CUX2: variants seen among roughly 807,000 people sequenced by gnomAD.
CUX2 encodes the protein cut like homeobox 2.
In CUX2, 40 loss-of-function variants were observed where a neutral mutation model predicts 144.8. The ratio of observed to expected loss-of-function variants is 0.28; its 90% CI spans 0.21 to 0.36. The LOEUF is 0.36. Among genes scored for constraint, CUX2 ranks in the 10% least tolerant of loss-of-function variants. The pLI, the probability that CUX2 is intolerant of heterozygous loss-of-function variation, is 1.00. For missense variants in CUX2, 1,615 were observed against 1,994.0 expected, an observed-to-expected ratio of 0.81 and a Z score of 3.62; for synonymous variants, 827 against 875.6, an observed-to-expected ratio of 0.94 and a Z score of 0.98.
At chr12:111,043,720 C>G (rs551425295) in intron 1 of CUX2, among the ~76,000 whole-genome samples, 1 of 152,168 alleles carries the variant, frequency 6.6e-6, no homozygotes, top group South Asian at 2.1e-4. Context: ...GGTACCATTG[C>G]TATACCCATC....
intron 3 of CUX2, among the ~76,000 whole-genome samples, chr12:111,256,363 C>T (rs1215770369): frequency 2.0e-5 from 3 of 152,154 alleles, no homozygotes; most frequent in East Asian, 3.9e-4. Flanking sequence ...CTTCATTCCC[C>T]GATCTCTGGG....
At position 111,302,742 on chromosome 12, in the gene CUX2, A is replaced by T. The variant is rs998270557; in HGVS notation, c.754-1468A>T. Among the ~76,000 whole-genome samples, 6 of 151,884 alleles carry T rather than the reference A, an allele frequency of 4.0e-5. No homozygotes were observed. The East Asian group carries it at 1.2e-3, about 29-fold the overall frequency. ...TGGAAAAACCCCGTCTCTACTAAAG[A>T]TACAAAAAGTAGACAGACCTGGCAT... On this transcript the variant is annotated intron_variant, in intron 9 of 21. Transcript: ENST00000261726.
chr12:111,303,221 G>GAA (rs5800927), intron 9 of CUX2, among the ~76,000 whole-genome samples: 9 of 49,374 alleles, frequency 1.8e-4, no homozygotes, highest in East Asian at 7.5e-4. Context: ...ACCCTGTCTC[G>GAA]AAAAAAAAAA....
chr12:111,343,101 A>G (rs1227368543), intron 21 of CUX2, among the ~76,000 whole-genome samples: 1 of 151,966 alleles, frequency 6.6e-6, no homozygotes, highest in African/African-American at 2.4e-5. Flanking sequence ...TTGGGGGTAC[A>G]GGCCTGAGGA....
Position 111,293,085 on chromosome 12 carries a change from T to A in CUX2, c.437-361T>A, listed in dbSNP as rs1375298417. ...TTGCAGTAAGCTGAGATTGTGCCAC[T>A]GCACTCGCAGTCCAGCCTGGGCAAC... On this transcript the variant is annotated intron_variant, in intron 5 of 21. Coordinates refer to ENST00000261726, the MANE Select transcript of CUX2 (RefSeq NM_015267.4). This position sits in a 1 kb window ranked among gnomAD's most constrained non-coding sequence, Gnocchi z 4.5. Among the ~76,000 whole-genome samples the A allele has an allele frequency of 6.6e-6, 1 of 151,692 alleles. No individual in the cohort carries two copies. Among genetic ancestry groups the A allele is most frequent in the Non-Finnish European group, 1.5e-5 (1 of 67,988 alleles).
Position 111,061,178 on chromosome 12 carries a change from G to GCACA in CUX2, c.63+26973_63+26976dup, listed in dbSNP as rs10525230. Among the ~76,000 whole-genome samples, 18,498 of 143,542 alleles carry GCACA rather than the reference G, an allele frequency of 0.13. 1,231 individuals carry two copies. The highest frequency in any genetic ancestry group is 0.23 in the South Asian group (966 of 4,222). 94.2% of individuals were successfully genotyped at this position (143,542 alleles called of 152,430 possible). On this transcript the variant is annotated intron_variant, in intron 1 of 21. Transcript: ENST00000261726. This position sits in a 1 kb window ranked among gnomAD's most constrained non-coding sequence, Gnocchi z 4.2. ...TGTCCCCAGATGTGTGCATGCATAT[G>GCACA]CACACACACACACACACACACACAC...
chr12:111,310,679 C>A lies in CUX2; in HGVS notation c.1897C>A (p.Arg633=). The change falls in exon 15 of 22, where the codon CGA becomes AGA. Residue 633 remains arginine, a synonymous_variant. Transcript: ENST00000261726. This position sits in a 1 kb window ranked among gnomAD's most constrained non-coding sequence, Gnocchi z 7.9. ...LALRTIQVRQ[R]GSITPRIRTP... The stretch of plus-strand genomic sequence containing the variant: ...GCTCAGGACCATCCAAGTGCGGCAG[C>A]GAGGTGAGTGCCCAAGAGGGCCCGT... 1 of 1,582,224 alleles carries A rather than the reference C, an allele frequency of 6.3e-7. No homozygotes were observed.
intron 1 of CUX2, among the ~76,000 whole-genome samples, chr12:111,080,825 G>A (rs1177466670): frequency 1.3e-5 from 2 of 152,094 alleles, no homozygotes; most frequent in African/African-American, 2.4e-5. Context: ...TATAATATAG[G>A]CACTTCCTGG....
At position 111,304,358 on chromosome 12, in the gene CUX2, A is replaced by G. The variant is rs964750253; in HGVS notation, c.858+44A>G. On this transcript the variant is annotated intron_variant, in intron 10 of 21. Coordinates refer to ENST00000261726, the MANE Select transcript of CUX2 (RefSeq NM_015267.4). This position sits in a 1 kb window ranked among gnomAD's most constrained non-coding sequence, Gnocchi z 4.7. ...AAGTGAGCAGGGAGGGCAGAGGGAAAGATCGGGAATGGCTGAGTTTGCAGG... is the reference window on the plus strand; with the variant it reads ...AAGTGAGCAGGGAGGGCAGAGGGAAGGATCGGGAATGGCTGAGTTTGCAGG... 30 of 1,521,292 alleles carry G rather than the reference A, an allele frequency of 2.0e-5. No homozygotes were observed. Among genetic ancestry groups the G allele is most frequent in the Non-Finnish European group, 2.4e-5 (26 of 1,103,784 alleles). The allele number at this position is 1,521,292 out of a possible 1,614,324, so 94.2% of individuals were successfully genotyped here. A position where few individuals can be genotyped will look rare whatever the true frequency, so the allele number is the denominator to read the frequency against.
intron 1 of CUX2, among the ~76,000 whole-genome samples, chr12:111,127,787 C>CCTCA (rs1393390310): frequency 6.6e-6 from 1 of 152,136 alleles, no homozygotes; most frequent in Non-Finnish European, 1.5e-5. Context: ...GCTGGGGAGG[C>CCTCA]CTCACAATCA....
At position 111,310,282 on chromosome 12, in the gene CUX2, G is replaced by C. The variant is rs1314444097; in HGVS notation, c.1500G>C (p.Glu500Asp). ...LMMPPAAFKG[E>D]AGGLLVFPPA... ...TGCCCCCAGCCGCCTTCAAGGGAGA[G>C]GCGGGCGGCCTGCTGGTGTTCCCCC... The change falls in exon 15 of 22, where the codon GAG (glutamate) becomes GAC (aspartate). Residue 500 changes from glutamate (E) to aspartate (D), a missense_variant. Transcript: ENST00000261726. This position sits in a 1 kb window ranked among gnomAD's most constrained non-coding sequence, Gnocchi z 7.9. 1.3e-6 allele frequency: 2 copies of C among 1,496,048 alleles called. No individual in the cohort carries two copies. Among genetic ancestry groups the C allele is most frequent in the Admixed American group, 4.6e-5 (2 of 43,598 alleles). The allele number at this position is 1,496,048 out of a possible 1,614,324, so 92.7% of individuals were successfully genotyped here.
At chr12:111,309,132 T>C (rs1469951293) in intron 14 of CUX2, among the ~76,000 whole-genome samples, 1 of 152,176 alleles carries the variant, frequency 6.6e-6, no homozygotes, top group Non-Finnish European at 1.5e-5. Context: ...CTCAAACTCC[T>C]GACCTCAGGT....
At chr12:111,153,825 A>G (rs1276326743) in intron 1 of CUX2, among the ~76,000 whole-genome samples, 1 of 152,196 alleles carries the variant, frequency 6.6e-6, no homozygotes, top group Non-Finnish European at 1.5e-5. Context: ...ACACCTGGGT[A>G]GCTTACACAA....
intron 21 of CUX2, among the ~76,000 whole-genome samples, chr12:111,342,768 G>T (rs1054522285): frequency 5.0e-4 from 76 of 152,032 alleles, no homozygotes; most frequent in African/African-American, 1.6e-3. Context: ...AGATCAGCCT[G>T]GGAAACATAA....
intron 1 of CUX2, among the ~76,000 whole-genome samples, chr12:111,189,702 A>C (rs1879762662): frequency 6.6e-6 from 1 of 152,170 alleles, no homozygotes; most frequent in Non-Finnish European, 1.5e-5. Context: ...TGAATCACCT[A>C]GAGAACTTGT....
chr12:111,267,890 T>C (rs967311302), intron 4 of CUX2, among the ~76,000 whole-genome samples: 1 of 152,212 alleles, frequency 6.6e-6, no homozygotes, highest in African/African-American at 2.4e-5. Flanking sequence ...AGTGTGATCA[T>C]AGCTCACTGC....
chr12:111,055,006 C>T (rs1870452616), intron 1 of CUX2, among the ~76,000 whole-genome samples: 1 of 152,242 alleles, frequency 6.6e-6, no homozygotes, highest in Admixed American at 6.5e-5. Flanking sequence ...CAAGGCCACA[C>T]AGCAGAGCCA....
rs146486685 is a variant in CUX2 at position 111,218,611 on chromosome 12, G to A, written c.222+674G>A. ...TGGTTTCCTATTTTTAAAATCAGAG[G>A]TTGGTACTAGATGACCTTTGCCCTC... On this transcript the variant is annotated intron_variant, in intron 3 of 21. Transcript: ENST00000261726. Among the ~76,000 whole-genome samples, 22 of 152,152 alleles carry A rather than the reference G, an allele frequency of 1.4e-4. 1 individual carries two copies. In the East Asian group the frequency reaches 4.3e-3, roughly 29 times the overall value.
rs774901614 is a variant in CUX2, at chr12:111,320,673, C to T, written c.2664C>T (p.Tyr888=). ...TGCCGCCGCTGACCCCCGAGCAGTA[C>T]GAGCTGTACATGTACCGTGAGGTAG... ...PTVPPLTPEQ[Y]ELYMYREVDT... The change falls in exon 17 of 22, where the codon TAC becomes TAT. Residue 888 remains tyrosine, a synonymous_variant. Transcript: ENST00000261726. This position sits in a 1 kb window ranked among gnomAD's most constrained non-coding sequence, Gnocchi z 8.1. 1.4e-5 allele frequency: 22 copies of T among 1,597,288 alleles called. No homozygotes were observed. In the South Asian group the frequency reaches 1.8e-4, roughly 13 times the overall value.
Sources: allele counts gnomAD v4.1 joint callset (sites outside exome capture counted in the v4.1 genomes callset), GRCh38; gene constraint gnomAD v4.1.1; non-coding constraint Gnocchi (gnomAD v3.1); transcripts MANE v1.5; gene names NCBI Gene and HGNC (gene_info 2026-07-23, HGNC 2026-07-21).